The following ZYG11B variants were observed in gnomAD, a reference collection of about 807,000 sequenced individuals.
ZYG11B encodes the protein protein zyg-11 homolog B.
ZYG11B carries 36 observed loss-of-function variants against 82.4 expected under a neutral mutation model. The ratio of observed to expected loss-of-function variants is 0.44; its 90% CI spans 0.33 to 0.58. The LOEUF (loss-of-function observed/expected upper bound fraction) is 0.58. ZYG11B is among the 20% of genes least tolerant of loss of function. The pLI, the probability that ZYG11B is intolerant of heterozygous loss-of-function variation, is 0.02. For synonymous variants in ZYG11B, 303 were observed against 312.8 expected, an observed-to-expected ratio of 0.97 and a Z score of 0.33; for missense variants, 552 against 895.6, an observed-to-expected ratio of 0.62 and a Z score of 4.90.
At chr1:52,815,115 G>A (rs1196221978) in intron 12 of ZYG11B, among the ~76,000 whole-genome samples, 11 of 151,996 alleles carry the variant, frequency 7.2e-5, no homozygotes, top group South Asian at 4.1e-4. Context: ...CTGAGATGGC[G>A]CCACTGCACT....
chr1:52,753,534 C>T (rs1009452234), intron 1 of ZYG11B, among the ~76,000 whole-genome samples: 2 of 152,064 alleles, frequency 1.3e-5, no homozygotes, highest in Non-Finnish European at 2.9e-5. Context: ...ATTCTCCTGC[C>T]TCAGCCTTAC....
chr1:52,816,128 C>T (rs1645222146), intron 12 of ZYG11B, among the ~76,000 whole-genome samples: 1 of 151,740 alleles, frequency 6.6e-6, no homozygotes, highest in Admixed American at 6.6e-5. Flanking sequence ...ACTTATGTTC[C>T]ACCTATTTTT....
intron 1 of ZYG11B, among the ~76,000 whole-genome samples, chr1:52,733,928 AT>A (rs1644356663): frequency 6.6e-6 from 1 of 152,206 alleles, no homozygotes; most frequent in South Asian, 2.1e-4. Flanking sequence ...TTCTATTTTT[AT>A]AAAGGAGAAA....
rs1028504313 is a variant in ZYG11B at position 52,814,052 on chromosome 1, C to T, written c.1946+140C>T. On this transcript the variant is annotated intron_variant, in intron 12 of 13. Coordinates refer to ENST00000294353, the MANE Select transcript of ZYG11B (RefSeq NM_024646.3). ...ATTTATTTATTTTGAGACAGAGTTT[C>T]ACTCCGTCGCCATGGCTGGAGTGCA... 7 of 812,588 alleles carry T rather than the reference C, an allele frequency of 8.6e-6. No individual in the cohort carries two copies. In the African/African-American group the frequency reaches 1.2e-4, roughly 14 times the overall value. 50.3% of individuals were successfully genotyped at this position (812,588 alleles called of 1,614,324 possible).
intron 1 of ZYG11B, among the ~76,000 whole-genome samples, chr1:52,747,951 T>A (rs889219296): frequency 3.8e-4 from 58 of 152,198 alleles, no homozygotes; most frequent in Admixed American, 7.2e-4. Context: ...AGAATTCTTA[T>A]GAGAAATAAA....
chr1:52,788,130 G>GT (rs1644928963), intron 5 of ZYG11B, among the ~76,000 whole-genome samples: 1 of 152,160 alleles, frequency 6.6e-6, no homozygotes, highest in Non-Finnish European at 1.5e-5. Context: ...AGGAAGGGCA[G>GT]TGTAGGATGA....
intron 1 of ZYG11B, among the ~76,000 whole-genome samples, chr1:52,743,402 TAAAAAAA>T (rs71044414): frequency 4.3e-5 from 3 of 69,114 alleles, no homozygotes; most frequent in East Asian, 3.0e-4. Context: ...CAATAAATAC[TAAAAAAA>T]AAAAAAAAAA....
chr1:52,793,866 T>TCTTCCTTTC (rs1268357833), intron 6 of ZYG11B, among the ~76,000 whole-genome samples: 1 of 139,258 alleles, frequency 7.2e-6, no homozygotes, highest in African/African-American at 2.8e-5. Context: ...TCCTTTTCTT[T>TCTTCCTTTC]CTTTCCTTCC....
In ZYG11B at chr1:52,767,493, C is replaced by T. The variant is rs146836166; in HGVS notation, c.197-3527C>T. Among the ~76,000 whole-genome samples, 772 of 152,098 alleles carry T rather than the reference C, an allele frequency of 5.1e-3. 6 individuals are homozygous for T. The highest frequency in any genetic ancestry group is 0.018 in the African/African-American group (743 of 41,470). ...CTAATTTTTTGTGTTTTAGTAGAGA[C>T]GGGGTTTCACCATGTTGGCCAAGAT... is the stretch of plus-strand genomic sequence containing the variant. On this transcript the variant is annotated intron_variant, in intron 2 of 13. Transcript: ENST00000294353.
chr1:52,791,447 C>T (rs1395117320), intron 6 of ZYG11B, among the ~76,000 whole-genome samples: 1 of 151,986 alleles, frequency 6.6e-6, no homozygotes, highest in East Asian at 1.9e-4. Context: ...CGGCTCACTG[C>T]AACCTCCACT....
chr1:52,774,164 G>T (rs1644783456), intron 3 of ZYG11B, among the ~76,000 whole-genome samples: 1 of 151,480 alleles, frequency 6.6e-6, no homozygotes, highest in African/African-American at 2.4e-5. Flanking sequence ...CTCAGAGGCA[G>T]GGTCTTGCCC....
intron 8 of ZYG11B, 144 bp downstream of exon 8, chr1:52,796,928 T>C (rs796734071): frequency 2.8e-5 from 3 of 106,604 alleles, no homozygotes; most frequent in African/African-American, 1.2e-4. Flanking sequence ...TTATATATAA[T>C]TATATATTAT....
intron 6 of ZYG11B, 149 bp from the exon 7 acceptor site, chr1:52,796,143 C>G: frequency 1.9e-6 from 1 of 515,590 alleles, no homozygotes; most frequent in Non-Finnish European, 3.5e-6. Context: ...CTCTAAAACA[C>G]TAAGTGTAAT....
At chr1:52,791,360 TTTTTA>T (rs1054801880) in intron 6 of ZYG11B, among the ~76,000 whole-genome samples, 2 of 151,992 alleles carry the variant, frequency 1.3e-5, no homozygotes, top group Admixed American at 6.6e-5. Context: ...CAGCAGCAAT[TTTTTA>T]TTTTATTTTA....
At chr1:52,758,525 C>T (rs1558123738) in intron 2 of ZYG11B, among the ~76,000 whole-genome samples, 1 of 152,096 alleles carries the variant, frequency 6.6e-6, no homozygotes, top group Non-Finnish European at 1.5e-5. Context: ...AATATATGCT[C>T]GTTCCACTGT....
intron 13 of ZYG11B, among the ~76,000 whole-genome samples, chr1:52,819,556 G>C (rs1645263336): frequency 6.6e-6 from 1 of 152,068 alleles, no homozygotes; most frequent in African/African-American, 2.4e-5. Context: ...CGGAGGCCAA[G>C]GCGGGTGGAT....
intron 13 of ZYG11B, among the ~76,000 whole-genome samples, chr1:52,817,215 T>G (rs910086507): frequency 6.6e-6 from 1 of 152,146 alleles, no homozygotes; most frequent in African/African-American, 2.4e-5. Context: ...CTACAGTGAG[T>G]CCATTTGTTG....
At chr1:52,776,807 T>C (rs1156563780) in intron 3 of ZYG11B, among the ~76,000 whole-genome samples, 1 of 152,198 alleles carries the variant, frequency 6.6e-6, no homozygotes, top group Non-Finnish European at 1.5e-5. Flanking sequence ...AACTGAACAC[T>C]TTGAAAAATT....
intron 5 of ZYG11B, among the ~76,000 whole-genome samples, 176 bp downstream of exon 5, chr1:52,785,229 C>T (rs1474453063): frequency 1.3e-5 from 2 of 152,114 alleles, no homozygotes; most frequent in Admixed American, 6.6e-5. Flanking sequence ...TGCCTAAAAG[C>T]ACCTAAATCC....
Sources: gnomAD v4.1 joint callset for allele counts (sites outside exome capture counted in the v4.1 genomes callset) on GRCh38, gnomAD v4.1.1 for gene constraint, MANE v1.5 for transcripts, NCBI Gene and HGNC (gene_info 2026-07-23, HGNC 2026-07-21) for gene names.